Variants in CEP128 observed in about 807,000 individuals in gnomAD.
The protein encoded by CEP128 is centrosomal protein 128, also known as centrosomal protein 128kDa.
A neutral mutation model predicts 156.7 loss-of-function variants in CEP128; 132 were observed. The observed-to-expected ratio is 0.84, with a 90% CI of 0.73 to 0.97. The LOEUF (loss-of-function observed/expected upper bound fraction) is 0.97, where lower values mean the gene tolerates loss of function less well. CEP128 is among the 50% of genes least tolerant of loss of function. CEP128 has a pLI of 0.00. For missense variants in CEP128, 1,252 were observed against 1,281.9 expected, an observed-to-expected ratio of 0.98 and a Z score of 0.36; for synonymous variants, 469 against 448.9, an observed-to-expected ratio of 1.04 and a Z score of -0.57.
intron 2 of CEP128, among the ~76,000 whole-genome samples, chr14:80,926,436 C>T (rs1311313420): frequency 3.9e-5 from 6 of 152,164 alleles, no homozygotes; most frequent in Non-Finnish European, 5.9e-5. Flanking sequence ...CTGTGCTCCT[C>T]CCTGGAACAT....
chr14:80,649,865 G>T (rs907960250), intron 19 of CEP128, among the ~76,000 whole-genome samples: 1 of 152,090 alleles, frequency 6.6e-6, no homozygotes, highest in Non-Finnish European at 1.5e-5. Context: ...CTCCAGCTTT[G>T]TTCTTTTCGC....
chr14:80,856,566 C>T (rs1443902360), intron 9 of CEP128, among the ~76,000 whole-genome samples: 1 of 151,898 alleles, frequency 6.6e-6, no homozygotes, highest in African/African-American at 2.4e-5. Flanking sequence ...ATCGCTTGAG[C>T]CTGGGAGGTT....
At chr14:80,626,922 A>G (rs1299696985) in intron 19 of CEP128, among the ~76,000 whole-genome samples, 1 of 152,222 alleles carries the variant, frequency 6.6e-6, no homozygotes, top group Non-Finnish European at 1.5e-5. Context: ...ACAGAGCAGG[A>G]CTTCGTCCCC....
chr14:80,839,777 T>C (rs1344304868), intron 10 of CEP128, among the ~76,000 whole-genome samples: 1 of 152,014 alleles, frequency 6.6e-6, no homozygotes, highest in Non-Finnish European at 1.5e-5. Context: ...ATAAAACAAA[T>C]GTCATATTAA....
chr14:80,620,351 A>C (rs1018678707), intron 19 of CEP128, among the ~76,000 whole-genome samples: 1 of 152,160 alleles, frequency 6.6e-6, no homozygotes. Context: ...ATGACTAAAA[A>C]ATCTTCTAGA....
intron 19 of CEP128, among the ~76,000 whole-genome samples, chr14:80,713,786 A>G (rs1566872346): frequency 6.6e-6 from 1 of 152,206 alleles, no homozygotes; most frequent in Non-Finnish European, 1.5e-5. Flanking sequence ...GAAGGTTGGA[A>G]ACAAAGATAG....
chr14:80,766,485 A>G (rs776278245), intron 16 of CEP128, among the ~76,000 whole-genome samples: 11 of 152,166 alleles, frequency 7.2e-5, no homozygotes, highest in Non-Finnish European at 1.3e-4. Context: ...TTATAAGGAG[A>G]TAGATCTTAT....
intron 19 of CEP128, among the ~76,000 whole-genome samples, chr14:80,669,773 T>C (rs1895765617): frequency 6.6e-6 from 1 of 152,210 alleles, no homozygotes; most frequent in African/African-American, 2.4e-5. Flanking sequence ...AAAATAAGTA[T>C]ACCATTTGAT....
At chr14:80,654,235 G>A (rs1403066521) in intron 19 of CEP128, among the ~76,000 whole-genome samples, 1 of 152,066 alleles carries the variant, frequency 6.6e-6, no homozygotes, top group Non-Finnish European at 1.5e-5. Flanking sequence ...AAAATCCACT[G>A]GCTGGTACTT....
At chr14:80,599,146 A>C (rs1239206881) in intron 19 of CEP128, among the ~76,000 whole-genome samples, 1 of 152,196 alleles carries the variant, frequency 6.6e-6, no homozygotes, top group African/African-American at 2.4e-5. Flanking sequence ...TTTGGGCACA[A>C]TGACAGATAA....
intron 16 of CEP128, among the ~76,000 whole-genome samples, chr14:80,771,679 C>T (rs1013512118): frequency 6.6e-6 from 1 of 152,168 alleles, no homozygotes; most frequent in Admixed American, 6.5e-5. Flanking sequence ...TAAACTATCT[C>T]TTAATTGTTT....
intron 11 of CEP128, among the ~76,000 whole-genome samples, chr14:80,836,946 A>G (rs1320702223): frequency 2.0e-5 from 3 of 152,226 alleles, no homozygotes; most frequent in African/African-American, 7.2e-5. Flanking sequence ...AAACAAAGAA[A>G]TCTCTTGCTT....
At chr14:80,670,254 T>G (rs1194877634) in intron 19 of CEP128, among the ~76,000 whole-genome samples, 1 of 152,148 alleles carries the variant, frequency 6.6e-6, no homozygotes, top group African/African-American at 2.4e-5. Context: ...AAAAGAATCA[T>G]TATATAAAAA....
At chr14:80,547,846 T>G (rs912542939) in intron 21 of CEP128, among the ~76,000 whole-genome samples, 3 of 151,230 alleles carry the variant, frequency 2.0e-5, no homozygotes, top group Non-Finnish European at 4.4e-5. Flanking sequence ...TTGCCCAAGC[T>G]GGAGTGCAAT....
chr14:80,495,754 T>C (rs543350834), downstream of CEP128, among the ~76,000 whole-genome samples: 33 of 152,242 alleles, frequency 2.2e-4, no homozygotes, highest in African/African-American at 7.9e-4. Context: ...GCCCTACTAA[T>C]ACATAAAAGA....
chr14:80,649,417 G>C (rs1894799662), intron 19 of CEP128, among the ~76,000 whole-genome samples: 1 of 151,918 alleles, frequency 6.6e-6, no homozygotes, highest in Non-Finnish European at 1.5e-5. Context: ...TTAATGCAAT[G>C]GAGAAAATTG....
intron 19 of CEP128, among the ~76,000 whole-genome samples, chr14:80,648,348 A>C (rs1894750616): frequency 6.6e-6 from 1 of 152,182 alleles, no homozygotes; most frequent in Non-Finnish European, 1.5e-5. Flanking sequence ...TTTTGGTAGA[A>C]TATTGAGAAA....
downstream of CEP128, among the ~76,000 whole-genome samples, chr14:80,493,659 G>A (rs1208779884): frequency 6.6e-6 from 1 of 152,162 alleles, no homozygotes; most frequent in African/African-American, 2.4e-5. Flanking sequence ...GGCTGCCCCT[G>A]AAAAGAAATG....
In CEP128 at chr14:80,761,584, G is replaced by T; in HGVS notation, c.2406C>A (p.His802Gln). The change falls in exon 17 of 25, where the codon CAC (histidine) becomes CAA (glutamine). Residue 802 changes from histidine (H) to glutamine (Q), a missense_variant. Coordinates refer to ENST00000555265, the MANE Select transcript of CEP128 (RefSeq NM_152446.5). Reference protein sequence around the residue: ...REKHISIEEEHLRRMEEARLQ... With the variant: ...REKHISIEEEQLRRMEEARLQ... ...ATCTGGCCTCTTCCATCCTCCTTAA[G>T]TGCTCCTCTTCAATGCTTATATGTT... is the stretch of plus-strand genomic sequence containing the variant. 1 of 1,609,746 alleles carries T rather than the reference G, an allele frequency of 6.2e-7. No homozygotes were observed.
Sources: gnomAD v4.1 joint callset for allele counts (sites outside exome capture counted in the v4.1 genomes callset) on GRCh38, gnomAD v4.1.1 for gene constraint, MANE v1.5 for transcripts, NCBI Gene and HGNC (gene_info 2026-07-23, HGNC 2026-07-21) for gene names.